Variants in TMEM132D observed in about 807,000 individuals in gnomAD.
TMEM132D encodes the protein transmembrane protein 132D.
Under a neutral mutation model 62.3 loss-of-function variants are expected in TMEM132D, and 21 were observed. That is an observed-to-expected ratio of 0.34 (90% CI 0.24 to 0.49). The LOEUF (loss-of-function observed/expected upper bound fraction) is 0.49, where lower values mean the gene tolerates loss of function less well. Among genes scored for constraint, TMEM132D ranks in the 20% least tolerant of loss-of-function variants. The pLI, the probability that TMEM132D is intolerant of heterozygous loss-of-function variation, is 0.99. For synonymous variants in TMEM132D, 621 were observed against 575.6 expected, an observed-to-expected ratio of 1.08 and a Z score of -1.13; for missense variants, 1,346 against 1,402.8, an observed-to-expected ratio of 0.96 and a Z score of 0.65.
At chr12:129,168,252 T>A (rs1383596543) in intron 5 of TMEM132D, among the ~76,000 whole-genome samples, 2 of 54,234 alleles carry the variant, frequency 3.7e-5, no homozygotes, top group Non-Finnish European at 5.8e-5. Flanking sequence ...TCTTTTGGGA[T>A]TTTTTTTTTA....
At position 129,420,306 on chromosome 12, in the gene TMEM132D, G is replaced by GTTTTTTTTTT. The variant is rs71082709; in HGVS notation, c.1116-82499_1116-82490dup. 1.7e-3 allele frequency among the ~76,000 whole-genome samples: 187 copies of GTTTTTTTTTT among 112,218 alleles called. 12 individuals carry two copies. Among genetic ancestry groups the GTTTTTTTTTT allele is most frequent in the East Asian group, 3.9e-3 (11 of 2,788 alleles). The allele number at this position is 112,218 out of a possible 152,430, so 73.6% of individuals were successfully genotyped here. On this transcript the variant is annotated intron_variant, in intron 3 of 8. Coordinates refer to ENST00000422113, the MANE Select transcript of TMEM132D (RefSeq NM_133448.3). ...AATTTCAAATTATTGCACGTTCTCT[G>GTTTTTTTTTT]TTTTTTTTTTTTTTTTTTTTTTTTG...
chr12:129,643,715 G>A (rs1488970497), intron 2 of TMEM132D, among the ~76,000 whole-genome samples: 1 of 152,066 alleles, frequency 6.6e-6, no homozygotes, highest in Non-Finnish European at 1.5e-5. Flanking sequence ...GCCTCCTTTC[G>A]AGAGGCTCAT....
intron 4 of TMEM132D, among the ~76,000 whole-genome samples, chr12:129,259,887 G>A (rs993184519): frequency 5.3e-5 from 8 of 152,284 alleles, no homozygotes; most frequent in South Asian, 4.1e-4. Flanking sequence ...TGAGGTTGGC[G>A]CAATTTACTG....
At chr12:129,114,353 T>A (rs546838432) in intron 5 of TMEM132D, among the ~76,000 whole-genome samples, 8 of 151,980 alleles carry the variant, frequency 5.3e-5, no homozygotes, top group African/African-American at 1.9e-4. Context: ...TTATCCAGCC[T>A]CCATGGTGTC....
chr12:129,461,546 TAGG>T (rs1307964749), intron 3 of TMEM132D, among the ~76,000 whole-genome samples: 1 of 152,188 alleles, frequency 6.6e-6, no homozygotes, highest in Admixed American at 6.5e-5. Context: ...TAGACTGATC[TAGG>T]ATCTCATCAT....
intron 2 of TMEM132D, among the ~76,000 whole-genome samples, chr12:129,681,082 A>G (rs1880765259): frequency 6.6e-6 from 1 of 152,212 alleles, no homozygotes; most frequent in Admixed American, 6.5e-5. Context: ...TAGATTGCAG[A>G]GGTGTACTCA....
At chr12:129,467,893 C>T (rs980498212) in intron 3 of TMEM132D, among the ~76,000 whole-genome samples, 2 of 152,042 alleles carry the variant, frequency 1.3e-5, no homozygotes, top group African/African-American at 4.8e-5. Flanking sequence ...AGCCCAGAAC[C>T]GCGCTTTAGA....
intron 2 of TMEM132D, among the ~76,000 whole-genome samples, chr12:129,652,875 A>G (rs1879966913): frequency 6.6e-6 from 1 of 152,218 alleles, no homozygotes; most frequent in Admixed American, 6.5e-5. Flanking sequence ...ATGTAAAGTC[A>G]TGACCCAAGG....
At chr12:129,615,399 G>C (rs1294405511) in intron 2 of TMEM132D, among the ~76,000 whole-genome samples, 1 of 151,654 alleles carries the variant, frequency 6.6e-6, no homozygotes, top group Non-Finnish European at 1.5e-5. Flanking sequence ...CAGATATGGT[G>C]ACTTTGGCTC....
chr12:129,301,803 C>T (rs1454714462), intron 4 of TMEM132D, among the ~76,000 whole-genome samples: 4 of 152,224 alleles, frequency 2.6e-5, no homozygotes, highest in East Asian at 1.9e-4. Context: ...AAATGAAACG[C>T]CCAACACCAG....
At chr12:129,581,749 A>G (rs944639427) in intron 2 of TMEM132D, among the ~76,000 whole-genome samples, 1 of 152,276 alleles carries the variant, frequency 6.6e-6, no homozygotes, top group African/African-American at 2.4e-5. Context: ...CATTGACTCA[A>G]ATGTCAATCT....
intron 3 of TMEM132D, among the ~76,000 whole-genome samples, chr12:129,445,796 A>C (rs1873079308): frequency 6.6e-6 from 1 of 152,118 alleles, no homozygotes; most frequent in African/African-American, 2.4e-5. Context: ...TACTTGTTGC[A>C]GGTCAGGTTC....
chr12:129,368,490 A>C (rs1870495412), intron 3 of TMEM132D, among the ~76,000 whole-genome samples: 1 of 152,116 alleles, frequency 6.6e-6, no homozygotes, highest in Non-Finnish European at 1.5e-5. Context: ...CAGCGAGTGA[A>C]TGCTTTGAGG....
chr12:129,318,641 G>C (rs531640935), intron 4 of TMEM132D, among the ~76,000 whole-genome samples: 59 of 152,126 alleles, frequency 3.9e-4, no homozygotes, highest in South Asian at 6.2e-4. Context: ...GTAGTAGTGT[G>C]GAGAGGGACC....
chr12:129,196,737 G>A (rs979399821), intron 5 of TMEM132D, among the ~76,000 whole-genome samples: 22 of 152,060 alleles, frequency 1.4e-4, no homozygotes, highest in African/African-American at 5.1e-4. Context: ...TATAATCTCT[G>A]CTTGTCCAGA....
intron 2 of TMEM132D, among the ~76,000 whole-genome samples, chr12:129,662,812 A>AGAGAGAGAG (rs1555224286): frequency 1.2e-5 from 1 of 83,416 alleles, no homozygotes; most frequent in South Asian, 4.7e-4. Context: ...AAAAAAAAAA[A>AGAGAGAGAG]AGAGAGAGAG....
At chr12:129,527,603 T>C (rs1420469800) in intron 3 of TMEM132D, among the ~76,000 whole-genome samples, 1 of 152,150 alleles carries the variant, frequency 6.6e-6, no homozygotes, top group Non-Finnish European at 1.5e-5. Context: ...CCTAAAATCA[T>C]TTACATATCA....
chr12:129,816,308 T>C (rs1454225760), intron 1 of TMEM132D, among the ~76,000 whole-genome samples: 2 of 152,226 alleles, frequency 1.3e-5, no homozygotes, highest in Non-Finnish European at 2.9e-5. Context: ...TATTACAATG[T>C]GTTAAAAGAG....
intron 5 of TMEM132D, among the ~76,000 whole-genome samples, chr12:129,102,033 T>A (rs575001036): frequency 2.1e-5 from 3 of 142,776 alleles, no homozygotes; most frequent in South Asian, 2.3e-4. Context: ...GGAATGAAAA[T>A]GGAAACAAGC....
Sources: allele counts gnomAD v4.1 joint callset (sites outside exome capture counted in the v4.1 genomes callset), GRCh38; gene constraint gnomAD v4.1.1; transcripts MANE v1.5; gene names NCBI Gene and HGNC (gene_info 2026-07-23, HGNC 2026-07-21).